Variants in CHRDL2 observed in about 807,000 individuals in gnomAD.
CHRDL2 encodes chordin like 2.
Under a neutral mutation model 54.3 loss-of-function variants are expected in CHRDL2, and 41 were observed. That is an observed-to-expected ratio of 0.76 (90% CI 0.59 to 0.98). The LOEUF is 0.98. CHRDL2 is among the 50% of genes least tolerant of loss of function. CHRDL2 has a pLI of 0.00. For missense variants in CHRDL2, 518 were observed against 562.4 expected (o/e 0.92, Z 0.80); for synonymous variants, 220 against 224.3 (o/e 0.98, Z 0.17).
intron 2 of CHRDL2, among the ~76,000 whole-genome samples, chr11:74,717,222 T>C (rs2034384665): frequency 3.3e-5 from 5 of 152,062 alleles, no homozygotes; most frequent in Admixed American, 3.3e-4. Context: ...CAGATGATGG[T>C]GGCTTGGATT....
At chr11:74,701,813 C>A (rs572251255) in intron 9 of CHRDL2, among the ~76,000 whole-genome samples, 1 of 152,248 alleles carries the variant, frequency 6.6e-6, no homozygotes, top group Non-Finnish European at 1.5e-5. Flanking sequence ...CCCCGCCAGC[C>A]AAAACCATCA....
chr11:74,706,407 G>T, intron 6 of CHRDL2, 80 bp downstream of exon 6: 1 of 1,380,366 alleles, frequency 7.2e-7, no homozygotes, highest in Non-Finnish European at 1.0e-6. Flanking sequence ...AACTGGTATT[G>T]CCTGCCCCAG....
At chr11:74,724,384 G>C (rs1457973811) in intron 1 of CHRDL2, among the ~76,000 whole-genome samples, 1 of 152,266 alleles carries the variant, frequency 6.6e-6, no homozygotes, top group African/African-American at 2.4e-5. Flanking sequence ...GACTTAAAGT[G>C]ACTGGACTTA....
Position 74,730,985 on chromosome 11 carries a change from G to A in CHRDL2, c.-97C>T. 1 of 984,010 alleles carries A rather than the reference G, an allele frequency of 1.0e-6. No homozygotes were observed. The highest frequency in any genetic ancestry group is 1.5e-6 in the Non-Finnish European group (1 of 657,256). The allele number at this position is 984,010 out of a possible 1,614,324, so 61.0% of individuals were successfully genotyped here. ...CACAGGGGCCACAGATCAACCCACA[G>A]ACCCCAGGAGGTCTGCTGCTAGAGC... On this transcript the variant is annotated 5_prime_UTR_variant, in exon 1 of 11. Coordinates refer to ENST00000376332, the MANE Select transcript of CHRDL2 (RefSeq NM_001278473.3).
intron 1 of CHRDL2, 97 bp downstream of exon 1, chr11:74,730,710 G>T: frequency 8.7e-7 from 1 of 1,154,442 alleles, no homozygotes; most frequent in Non-Finnish European, 1.3e-6. Context: ...TGCCTGGACG[G>T]CTGTCAGAAG....
At chr11:74,697,854 A>T (rs1400239143) in intron 9 of CHRDL2, among the ~76,000 whole-genome samples, 1 of 152,168 alleles carries the variant, frequency 6.6e-6, no homozygotes, top group Non-Finnish European at 1.5e-5. Context: ...TGAACTGGTC[A>T]CGCTTTTCTC....
chr11:74,716,618 T>G (rs2034363171), intron 2 of CHRDL2, among the ~76,000 whole-genome samples: 1 of 150,874 alleles, frequency 6.6e-6, no homozygotes, highest in African/African-American at 2.4e-5. Flanking sequence ...GCGGGGAATT[T>G]GAATTTTACT....
At chr11:74,701,913 T>C (rs1044718531) in intron 9 of CHRDL2, among the ~76,000 whole-genome samples, 3 of 152,190 alleles carry the variant, frequency 2.0e-5, no homozygotes, top group Admixed American at 6.5e-5. Flanking sequence ...AGAGGACTTA[T>C]GTTTTACAAG....
chr11:74,728,039 C>A (rs912207154), intron 1 of CHRDL2, among the ~76,000 whole-genome samples: 2 of 152,084 alleles, frequency 1.3e-5, no homozygotes, highest in Non-Finnish European at 1.5e-5. Flanking sequence ...TGGTGTTCAA[C>A]CTGTGGCCAA....
intron 7 of CHRDL2, 41 bp downstream of exon 7, chr11:74,704,445 C>T: frequency 6.4e-7 from 1 of 1,569,562 alleles, no homozygotes; most frequent in Non-Finnish European, 8.6e-7. Flanking sequence ...TCAGGGCCCC[C>T]CTTCCCTGCC....
chr11:74,705,907 A>G (rs1052133127), intron 6 of CHRDL2, among the ~76,000 whole-genome samples: 3 of 152,146 alleles, frequency 2.0e-5, no homozygotes, highest in African/African-American at 7.2e-5. Flanking sequence ...CCAGGCTGAA[A>G]TAGCAGGTGG....
chr11:74,718,263 G>C (rs546741749), intron 2 of CHRDL2, among the ~76,000 whole-genome samples: 21 of 152,302 alleles, frequency 1.4e-4, no homozygotes, highest in African/African-American at 4.1e-4. Context: ...CCAGGTGGAG[G>C]TCATTTTCCC....
At chr11:74,715,184 C>A (rs1020304220) in intron 2 of CHRDL2, among the ~76,000 whole-genome samples, 1 of 152,344 alleles carries the variant, frequency 6.6e-6, no homozygotes, top group South Asian at 2.1e-4. Context: ...GACTCATTCA[C>A]GCTCAATACT....
At chr11:74,719,381 T>TAC (rs5792667) in intron 1 of CHRDL2, 18,660 of 76,206 alleles carry the variant, frequency 0.24, 2,302 homozygotes, top group East Asian at 0.29. Flanking sequence ...CCCTCCCCTG[T>TAC]ACACACACAC....
At chr11:74,708,614 C>T (rs1276438371) in intron 4 of CHRDL2, among the ~76,000 whole-genome samples, 1 of 152,208 alleles carries the variant, frequency 6.6e-6, no homozygotes, top group African/African-American at 2.4e-5. Flanking sequence ...AACATCCAGC[C>T]TTCAGCTTCT....
intron 9 of CHRDL2, among the ~76,000 whole-genome samples, chr11:74,702,312 T>C (rs1165701033): frequency 6.6e-6 from 1 of 151,492 alleles, no homozygotes; most frequent in Non-Finnish European, 1.5e-5. Flanking sequence ...TAGCAGCAGA[T>C]TGTTGAAGAG....
intron 9 of CHRDL2, chr11:74,698,931 A>C (rs564929266): frequency 2.0e-5 from 3 of 152,386 alleles, no homozygotes; most frequent in African/African-American, 7.2e-5. Context: ...CTGCTAGGCC[A>C]GCACTGCCTT....
At chr11:74,703,551 G>A (rs2033906489) in intron 7 of CHRDL2, 52 bp from the exon 8 acceptor site, 1 of 1,467,710 alleles carries the variant, frequency 6.8e-7, no homozygotes, top group Non-Finnish European at 9.1e-7. Context: ...GACCTGGCCA[G>A]GGCCTCTGGT....
At position 74,702,876 on chromosome 11, in the gene CHRDL2, T is replaced by C; in HGVS notation, c.1038A>G (p.Pro346=). ...CAAAGCGACGCAGGTTGTCTGGGCT[T>C]GGGGATACCGATGTGTGGACGAGGA... The part of the protein sequence containing the change: ...GRVLVHTSVS[P]SPDNLRRFAL... The change falls in exon 9 of 11, where the codon CCA becomes CCG. Residue 346 remains proline, a synonymous_variant. Transcript: ENST00000376332. The C allele has an allele frequency of 1.9e-6, 3 of 1,614,118 alleles. No homozygotes were observed. Among genetic ancestry groups the C allele is most frequent in the Non-Finnish European group, 2.5e-6 (3 of 1,180,000 alleles).
Sources: allele counts gnomAD v4.1 joint callset (sites outside exome capture counted in the v4.1 genomes callset), GRCh38; gene constraint gnomAD v4.1.1; transcripts MANE v1.5; gene names NCBI Gene and HGNC (gene_info 2026-07-23, HGNC 2026-07-21).